The following GFRA1 variants were observed in gnomAD, a reference collection of about 807,000 sequenced individuals.
The protein encoded by GFRA1 is GDNF family receptor alpha-1.
A neutral mutation model predicts 51.6 loss-of-function variants in GFRA1; 16 were observed. The ratio of observed to expected loss-of-function variants is 0.31; its 90% CI spans 0.21 to 0.47. The LOEUF is 0.47. Ranked by LOEUF, GFRA1 falls within the 20% of genes least tolerant of loss-of-function variation. GFRA1 has a pLI of 1.00. For missense variants in GFRA1, 530 were observed against 594.3 expected, an observed-to-expected ratio of 0.89 and a Z score of 1.13; for synonymous variants, 270 against 241.3, an observed-to-expected ratio of 1.12 and a Z score of -1.10.
At chr10:116,219,070 C>T (rs1965755823) in intron 4 of GFRA1, among the ~76,000 whole-genome samples, 1 of 152,014 alleles carries the variant, frequency 6.6e-6, no homozygotes, top group Non-Finnish European at 1.5e-5. Flanking sequence ...GTGCTACCAA[C>T]ATCAATCTTG....
chr10:116,083,109 T>A (rs780594524), intron 9 of GFRA1, among the ~76,000 whole-genome samples: 1 of 152,214 alleles, frequency 6.6e-6, no homozygotes. Context: ...GCCAGGATTC[T>A]CACTCAGGTC....
At chr10:116,229,466 C>G (rs1966545817) in intron 4 of GFRA1, among the ~76,000 whole-genome samples, 1 of 152,182 alleles carries the variant, frequency 6.6e-6, no homozygotes, top group South Asian at 2.1e-4. Flanking sequence ...CCTCCTTCAT[C>G]TGGGGCTCAA....
chr10:116,110,147 T>C (rs1441875436), intron 6 of GFRA1, among the ~76,000 whole-genome samples: 1 of 152,220 alleles, frequency 6.6e-6, no homozygotes, highest in Non-Finnish European at 1.5e-5. Context: ...AGGCAGACTT[T>C]GGAATCCTCA....
intron 8 of GFRA1, among the ~76,000 whole-genome samples, chr10:116,093,132 C>T (rs918487522): frequency 6.6e-6 from 1 of 152,168 alleles, no homozygotes; most frequent in African/African-American, 2.4e-5. Flanking sequence ...ACGGGCATCC[C>T]GAGCCTCCTG....
chr10:116,137,804 A>G (rs985396206), intron 5 of GFRA1, among the ~76,000 whole-genome samples: 5 of 152,012 alleles, frequency 3.3e-5, no homozygotes, highest in Non-Finnish European at 7.4e-5. Flanking sequence ...GGCTCTGTGT[A>G]TTTATTATTA....
intron 6 of GFRA1, among the ~76,000 whole-genome samples, chr10:116,101,957 G>C (rs1227102219): frequency 6.6e-6 from 1 of 152,186 alleles, no homozygotes; most frequent in Non-Finnish European, 1.5e-5. Flanking sequence ...AAACCCACTT[G>C]TTTTCATAGC....
chr10:116,253,946 G>C (rs1469446031), intron 4 of GFRA1, among the ~76,000 whole-genome samples: 1 of 152,098 alleles, frequency 6.6e-6, no homozygotes, highest in Non-Finnish European at 1.5e-5. Context: ...ATGAGTTTTG[G>C]TTTCCTCTTA....
intron 4 of GFRA1, among the ~76,000 whole-genome samples, chr10:116,264,913 T>C (rs1439127994): frequency 6.6e-6 from 1 of 152,166 alleles, no homozygotes; most frequent in Non-Finnish European, 1.5e-5. Context: ...CCCTAATAGC[T>C]GGTATTTACA....
At chr10:116,215,472 A>G (rs977536638) in intron 4 of GFRA1, among the ~76,000 whole-genome samples, 3 of 152,212 alleles carry the variant, frequency 2.0e-5, no homozygotes, top group Admixed American at 2.0e-4. Flanking sequence ...AACCAACCAC[A>G]AAGTCAGGAG....
intron 7 of GFRA1, among the ~76,000 whole-genome samples, chr10:116,094,325 G>GTA (rs910186407): frequency 1.3e-5 from 2 of 152,170 alleles, no homozygotes; most frequent in Non-Finnish European, 2.9e-5. Context: ...CACCCTGAGT[G>GTA]TATATACATA....
At chr10:116,149,932 G>A (rs887766617) in intron 5 of GFRA1, among the ~76,000 whole-genome samples, 2 of 152,144 alleles carry the variant, frequency 1.3e-5, no homozygotes, top group Non-Finnish European at 2.9e-5. Context: ...CAAGCACTCC[G>A]CAAAGGATCC....
chr10:116,194,271 C>A (rs1353974064), intron 5 of GFRA1, among the ~76,000 whole-genome samples: 1 of 152,040 alleles, frequency 6.6e-6, no homozygotes, highest in Admixed American at 6.6e-5. Flanking sequence ...TAAATGAGAA[C>A]ACAATATCTA....
intron 6 of GFRA1, among the ~76,000 whole-genome samples, chr10:116,123,351 C>T (rs540115724): frequency 7.2e-5 from 11 of 152,288 alleles, no homozygotes; most frequent in East Asian, 1.9e-4. Context: ...GTTCATAAGA[C>T]GCTTGGTCAT....
At chr10:116,145,059 G>C (rs750047896) in intron 5 of GFRA1, among the ~76,000 whole-genome samples, 12 of 137,388 alleles carry the variant, frequency 8.7e-5, no homozygotes, top group Non-Finnish European at 1.4e-4. Flanking sequence ...TGAGACAGGA[G>C]AATCACTTGA....
chr10:116,242,409 AG>A, intron 4 of GFRA1, among the ~76,000 whole-genome samples: 1 of 152,336 alleles, frequency 6.6e-6, no homozygotes, highest in African/African-American at 2.4e-5. Context: ...GTTCCCAAAA[AG>A]CTAAACAATA....
intron 5 of GFRA1, among the ~76,000 whole-genome samples, chr10:116,160,007 A>G (rs958917992): frequency 3.1e-4 from 47 of 152,346 alleles, no homozygotes; most frequent in Middle Eastern, 3.4e-3. Flanking sequence ...CTTTTTCTTC[A>G]CTAACCAGTA....
At chr10:116,166,415 T>C (rs1169329876) in intron 5 of GFRA1, among the ~76,000 whole-genome samples, 1 of 152,216 alleles carries the variant, frequency 6.6e-6, no homozygotes, top group Admixed American at 6.5e-5. Context: ...CTTGTGGCTA[T>C]TTAAATCCAC....
chr10:116,103,600 A>G (rs141355826), intron 6 of GFRA1, among the ~76,000 whole-genome samples: 12 of 152,370 alleles, frequency 7.9e-5, no homozygotes, highest in African/African-American at 1.2e-4. Context: ...GCAAAGGGAT[A>G]TATTTTTAAA....
chr10:116,090,312 T>C (rs944818934), intron 8 of GFRA1, among the ~76,000 whole-genome samples: 3 of 151,966 alleles, frequency 2.0e-5, no homozygotes, highest in Non-Finnish European at 2.9e-5. Context: ...TTGTGCTCTG[T>C]CAATATTCTA....
Sources: allele counts gnomAD v4.1 joint callset (sites outside exome capture counted in the v4.1 genomes callset), GRCh38; gene constraint gnomAD v4.1.1; transcripts MANE v1.5; gene names NCBI Gene and HGNC (gene_info 2026-07-23, HGNC 2026-07-21).